The following XKR4 variants were observed in gnomAD, a reference collection of about 807,000 sequenced individuals.
The protein encoded by XKR4 is XK related 4, also known as XK-related protein 4.
XKR4 carries 12 observed loss-of-function variants against 53.9 expected under a neutral mutation model. The observed-to-expected ratio is 0.22, with a 90% CI of 0.14 to 0.36. The LOEUF is 0.36. Ranked by LOEUF, XKR4 falls within the 10% of genes least tolerant of loss-of-function variation. The pLI is 1.00. For synonymous variants in XKR4, 354 were observed against 362.4 expected (o/e 0.98, Z 0.26); for missense variants, 799 against 859.5 (o/e 0.93, Z 0.88).
intron 1 of XKR4, among the ~76,000 whole-genome samples, chr8:55,181,573 T>G (rs556831192): frequency 5.3e-5 from 8 of 152,266 alleles, no homozygotes; most frequent in African/African-American, 1.9e-4. Flanking sequence ...GTGAATAATT[T>G]GTATGCATTT....
chr8:55,215,728 A>G (rs2129364442), intron 1 of XKR4, among the ~76,000 whole-genome samples: 1 of 152,354 alleles, frequency 6.6e-6, no homozygotes, highest in South Asian at 2.1e-4. Flanking sequence ...TTTCTCAGAA[A>G]CTAGGACAAG....
At chr8:55,217,738 T>TTAGA (rs71256520) in intron 1 of XKR4, among the ~76,000 whole-genome samples, 14,254 of 149,238 alleles carry the variant, frequency 0.096, 779 homozygotes, top group African/African-American at 0.15. Flanking sequence ...GGAAGACAGA[T>TTAGA]TAGATAGATA....
intron 1 of XKR4, among the ~76,000 whole-genome samples, chr8:55,268,568 C>A (rs1818643843): frequency 6.6e-6 from 1 of 151,974 alleles, no homozygotes; most frequent in Admixed American, 6.6e-5. Context: ...AAAAGCAAGG[C>A]CCTATTTTAT....
At chr8:55,391,050 C>G (rs1029919167) in intron 2 of XKR4, among the ~76,000 whole-genome samples, 1 of 152,130 alleles carries the variant, frequency 6.6e-6, no homozygotes, top group Non-Finnish European at 1.5e-5. Flanking sequence ...GGTTTGCATT[C>G]CTTACAATAA....
chr8:55,243,045 GT>G (rs1426018552), intron 1 of XKR4, among the ~76,000 whole-genome samples: 7 of 152,118 alleles, frequency 4.6e-5, no homozygotes, highest in Non-Finnish European at 8.8e-5. Flanking sequence ...TTTTAGAGCA[GT>G]TTTATGTTCA....
intron 1 of XKR4, among the ~76,000 whole-genome samples, chr8:55,283,294 T>C (rs1818864738): frequency 6.6e-6 from 1 of 152,204 alleles, no homozygotes. Context: ...GCTGGATGAC[T>C]TGAAGAAGTA....
chr8:55,369,377 GA>G (rs1804037307), intron 2 of XKR4, among the ~76,000 whole-genome samples: 1 of 66,618 alleles, frequency 1.5e-5, no homozygotes, highest in Non-Finnish European at 3.0e-5. Context: ...AAGGGGAGGG[GA>G]GGGGAGGGGA....
At chr8:55,128,967 A>C (rs970526832) in intron 1 of XKR4, among the ~76,000 whole-genome samples, 1 of 152,226 alleles carries the variant, frequency 6.6e-6, no homozygotes, top group African/African-American at 2.4e-5. Context: ...CGTCTAACCA[A>C]CAATGGTGAT....
intron 1 of XKR4, among the ~76,000 whole-genome samples, chr8:55,331,345 T>C (rs1373557644): frequency 6.6e-6 from 1 of 152,232 alleles, no homozygotes; most frequent in Non-Finnish European, 1.5e-5. Context: ...CCTTTTAAAT[T>C]TATTGAGACT....
At position 55,525,007 on chromosome 8, in the gene XKR4, G is replaced by C. The variant is rs1385651326; in HGVS notation, c.*780G>C. 6.6e-6 allele frequency: 1 copy of C among 152,614 alleles called. No individual in the cohort carries two copies. The highest frequency in any genetic ancestry group is 1.5e-5 in the Non-Finnish European group (1 of 68,044). 9.5% of individuals were successfully genotyped at this position (152,614 alleles called of 1,614,324 possible). ...ATAACTTCATGATGTAAATTAAATAGTAATCATGATTCAGTATTCAATTGC... is the reference window on the plus strand; with the variant it reads ...ATAACTTCATGATGTAAATTAAATACTAATCATGATTCAGTATTCAATTGC... On this transcript the variant is annotated 3_prime_UTR_variant, in exon 3 of 3. Coordinates refer to ENST00000327381, the MANE Select transcript of XKR4 (RefSeq NM_052898.2).
intron 2 of XKR4, among the ~76,000 whole-genome samples, chr8:55,471,470 G>C (rs144941707): frequency 1.3e-5 from 2 of 152,038 alleles, no homozygotes; most frequent in African/African-American, 4.8e-5. Flanking sequence ...GTTGGGGCCC[G>C]GCCATCTGTG....
chr8:55,491,625 GGTTTGTTT>G (rs112852043), intron 2 of XKR4, among the ~76,000 whole-genome samples: 125 of 149,868 alleles, frequency 8.3e-4, no homozygotes, highest in African/African-American at 2.3e-3. Flanking sequence ...TGTCTTTGGG[GGTTTGTTT>G]GTTTGTTTGT....
intron 2 of XKR4, chr8:55,449,922 T>A (rs1170060514): frequency 1.2e-6 from 1 of 867,760 alleles, no homozygotes; most frequent in Non-Finnish European, 2.0e-6. Context: ...CGGTCGAGCC[T>A]CTATTCTGGT....
intron 1 of XKR4, among the ~76,000 whole-genome samples, chr8:55,342,562 C>T (rs1585530064): frequency 6.6e-6 from 1 of 151,904 alleles, no homozygotes; most frequent in South Asian, 2.1e-4. Context: ...TCTCCCACTG[C>T]CCCCCACCGA....
intron 2 of XKR4, among the ~76,000 whole-genome samples, chr8:55,438,419 C>G (rs1284667629): frequency 6.6e-6 from 1 of 151,278 alleles, no homozygotes; most frequent in Non-Finnish European, 1.5e-5. Context: ...AACCCCGTCT[C>G]TATTAAAAAA....
intron 1 of XKR4, among the ~76,000 whole-genome samples, chr8:55,118,823 T>G (rs1816348546): frequency 6.6e-6 from 1 of 151,222 alleles, no homozygotes; most frequent in Non-Finnish European, 1.5e-5. Context: ...GCAAAGTATG[T>G]TTTTTTTTGG....
chr8:55,408,144 A>G lies in XKR4; in HGVS notation c.1006+50267A>G, dbSNP rs1804714775. Among the ~76,000 whole-genome samples the G allele has an allele frequency of 2.0e-5, 3 of 152,284 alleles. No individual in the cohort carries two copies. The South Asian group carries it at 6.2e-4, about 32-fold the overall frequency. ...CACAGGGGAAAAGCAGGCAATTAGT[A>G]AAAAAGGGATGAGAGGTTACAGAAG... On this transcript the variant is annotated intron_variant, in intron 2 of 2. Transcript: ENST00000327381.
At chr8:55,308,533 C>T (rs1586002340) in intron 1 of XKR4, among the ~76,000 whole-genome samples, 1 of 152,274 alleles carries the variant, frequency 6.6e-6, no homozygotes, top group Non-Finnish European at 1.5e-5. Context: ...ATCCAATCAC[C>T]TCCCACCAGG....
intron 1 of XKR4, among the ~76,000 whole-genome samples, chr8:55,313,297 C>T (rs1457793557): frequency 6.6e-6 from 1 of 152,172 alleles, no homozygotes; most frequent in Non-Finnish European, 1.5e-5. Flanking sequence ...GGAGCTATAA[C>T]ATTGATTTGT....
Sources: gnomAD v4.1 joint callset for allele counts (sites outside exome capture counted in the v4.1 genomes callset) on GRCh38, gnomAD v4.1.1 for gene constraint, MANE v1.5 for transcripts, NCBI Gene and HGNC (gene_info 2026-07-23, HGNC 2026-07-21) for gene names.